LCOR: variants seen among roughly 807,000 people sequenced by gnomAD.
LCOR encodes ligand dependent nuclear receptor corepressor.
Under a neutral mutation model 64.4 loss-of-function variants are expected in LCOR, and 14 were observed. The observed-to-expected ratio is 0.22, with a 90% CI of 0.14 to 0.34. The LOEUF is 0.34. Among genes scored for constraint, LCOR ranks in the 10% least tolerant of loss-of-function variants. LCOR has a pLI of 1.00. For missense variants in LCOR, 1,686 were observed against 1,765.3 expected (o/e 0.96, Z 0.80); for synonymous variants, 643 against 642.5 (o/e 1.00, Z -0.01).
chr10:96,960,276 A>T (rs1224444316), intron 7 of LCOR: 1 of 152,178 alleles, frequency 6.6e-6, no homozygotes, highest in East Asian at 1.9e-4. Flanking sequence ...CATCTCATTG[A>T]CCCATAATAG....
chr10:96,976,788 A>C (rs1848043829), intron 7 of LCOR, among the ~76,000 whole-genome samples: 1 of 152,218 alleles, frequency 6.6e-6, no homozygotes, highest in Admixed American at 6.5e-5. Context: ...GCATACCTTG[A>C]TGTCATTCAA....
At chr10:96,912,592 C>G (rs1846858564) in intron 4 of LCOR, among the ~76,000 whole-genome samples, 1 of 139,648 alleles carries the variant, frequency 7.2e-6, no homozygotes, top group Admixed American at 7.0e-5. Context: ...TCTGTAAGAT[C>G]TTCCTTTCTT....
chr10:96,897,672 T>C (rs1377227638), intron 2 of LCOR, among the ~76,000 whole-genome samples: 1 of 152,204 alleles, frequency 6.6e-6, no homozygotes, highest in Admixed American at 6.5e-5. Context: ...GTATTAATAC[T>C]ATTGTTTTTC....
In LCOR at chr10:96,981,249, G is replaced by C; in HGVS notation, c.789G>C (p.Val263=). 1 of 963,474 alleles carries C rather than the reference G, an allele frequency of 1.0e-6. No homozygotes were observed. The highest frequency in any genetic ancestry group is 2.1e-4 in the Middle Eastern group (1 of 4,854). 59.7% of individuals were successfully genotyped at this position (963,474 alleles called of 1,614,324 possible). The change falls in exon 8 of 8, where the codon GTG becomes GTC. Residue 263 remains valine, a synonymous_variant. Transcript: ENST00000421806. ...CGAATTCTATTAATAGCAGTTCAGT[G>C]GATAGTTTCACTCCGGGATACCTCA... ...TKSNSINSSS[V]DSFTPGYLTA...
At chr10:96,913,890 A>T (rs1362848726) in intron 4 of LCOR, among the ~76,000 whole-genome samples, 1 of 151,642 alleles carries the variant, frequency 6.6e-6, no homozygotes. Flanking sequence ...GGCGACACAC[A>T]CAGACTGTCT....
chr10:96,965,015 T>A (rs542290990), intron 7 of LCOR, among the ~76,000 whole-genome samples: 93 of 148,038 alleles, frequency 6.3e-4, no homozygotes, highest in East Asian at 1.2e-3. Context: ...TTAAAAAAAA[T>A]TTTTTTTTTT....
At chr10:96,832,902 G>A (rs2134352390) in intron 1 of LCOR, 1 of 807,500 alleles carries the variant, frequency 1.2e-6, no homozygotes, top group Non-Finnish European at 1.5e-6. Context: ...GCGCGCCCCC[G>A]GGTCTGCGTG....
intron 2 of LCOR, 56 bp from the exon 3 acceptor site, chr10:96,907,209 A>G (rs1020366890): frequency 1.8e-6 from 1 of 562,386 alleles, no homozygotes; most frequent in African/African-American, 2.0e-5. Context: ...TGCAAAGATT[A>G]TTCAATACTA....
Position 96,982,366 on chromosome 10 carries a change from G to T in LCOR, c.1906G>T (p.Val636Phe). The change falls in exon 8 of 8, where the codon GTC (valine) becomes TTC (phenylalanine). Residue 636 changes from valine to phenylalanine, a missense_variant. Val to Phe is a conservative substitution (Grantham distance 50). Around this residue, in one of 3 missense-constraint regions of LCOR, gnomAD observed 1,293 missense variants for 1,410.4 expected, o/e 0.92. Transcript: ENST00000421806. ...EEDLPEGGST[V>F]SAPTASGMSS... ...GGACCTGCCAGAAGGTGGCTCCACA[G>T]TCTCAGCTCCCACAGCAAGTGGGAT... 1 of 1,614,220 alleles carries T rather than the reference G, an allele frequency of 6.2e-7. No homozygotes were observed.
intron 2 of LCOR, among the ~76,000 whole-genome samples, chr10:96,852,296 C>G (rs916729005): frequency 2.0e-5 from 3 of 152,092 alleles, no homozygotes; most frequent in African/African-American, 7.2e-5. Context: ...GTGGCGCATG[C>G]CTGTAGTCCC....
chr10:96,861,871 C>G (rs918133066), intron 2 of LCOR, among the ~76,000 whole-genome samples: 1 of 152,236 alleles, frequency 6.6e-6, no homozygotes, highest in Admixed American at 6.5e-5. Flanking sequence ...CACTATCTAC[C>G]TGGAGATACC....
At chr10:96,877,499 G>A (rs1452712195) in intron 2 of LCOR, among the ~76,000 whole-genome samples, 1 of 151,752 alleles carries the variant, frequency 6.6e-6, no homozygotes, top group Non-Finnish European at 1.5e-5. Context: ...ACTCCAGCCT[G>A]GGTGAGTGAG....
chr10:96,984,559 G>C lies in LCOR; in HGVS notation c.4099G>C (p.Gly1367Arg), dbSNP rs1848128999. Reference sequence around the variant, plus strand: ...GCTTGCCCTGCAAGTGGATGCAGATGGGTTTCCTGTTAAGCCCAAGAGTAC... The same window carrying C: ...GCTTGCCCTGCAAGTGGATGCAGATCGGTTTCCTGTTAAGCCCAAGAGTAC... The part of the protein sequence containing the change: ...PKLALQVDAD[G>R]FPVKPKSTEG... Residue 1367 changes from glycine to arginine, a missense_variant, in exon 8 of 8, where the codon GGG becomes CGG. By Grantham distance (125) the Gly-to-Arg change is moderately radical. This residue lies in a region of LCOR where 1,293 missense variants were observed against 1,410.4 expected (regional missense o/e 0.92). Coordinates refer to ENST00000421806, the MANE Select transcript of LCOR (RefSeq NM_001346516.2). 6.2e-7 allele frequency: 1 copy of C among 1,614,116 alleles called. No homozygotes were observed. The highest frequency in any genetic ancestry group is 1.3e-5 in the African/African-American group (1 of 74,940).
At chr10:96,893,566 C>T (rs1846482408) in intron 2 of LCOR, among the ~76,000 whole-genome samples, 1 of 152,026 alleles carries the variant, frequency 6.6e-6, no homozygotes, top group South Asian at 2.1e-4. Flanking sequence ...AGTTCTAGAC[C>T]AGCCTGGCCA....
intron 2 of LCOR, among the ~76,000 whole-genome samples, chr10:96,885,652 TCCCAA>T (rs1192360675): frequency 1.3e-5 from 2 of 149,188 alleles, no homozygotes; most frequent in Non-Finnish European, 3.0e-5. Flanking sequence ...TGCCTCTGCC[TCCCAA>T]AGTGCTGAGA....
Position 96,982,616 on chromosome 10 carries a change from G to T in LCOR, c.2156G>T (p.Ser719Ile), listed in dbSNP as rs1474186340. The change falls in exon 8 of 8, where the codon AGT becomes ATT. Residue 719 changes from serine to isoleucine, a missense_variant. Physicochemically the swap from Ser to Ile is moderately radical, Grantham distance 142 (BLOSUM62 -2). Transcript: ENST00000421806. ...CCAATGGGCTTGGAGCCCCCCATGA[G>T]TCTGGGAAAGGCTGAGGACAACCAA... Reference protein sequence around the residue: ...SSPMGLEPPMSLGKAEDNQSI... With the variant: ...SSPMGLEPPMILGKAEDNQSI... 6.2e-7 allele frequency: 1 copy of T among 1,614,060 alleles called. No individual in the cohort carries two copies. Among genetic ancestry groups the T allele is most frequent in the Non-Finnish European group, 8.5e-7 (1 of 1,180,040 alleles).
intron 2 of LCOR, among the ~76,000 whole-genome samples, chr10:96,906,657 C>T (rs1564621543): frequency 2.0e-5 from 3 of 151,668 alleles, no homozygotes; most frequent in South Asian, 4.1e-4. Flanking sequence ...ATTTTTTTCT[C>T]TTTTTTTTGT....
intron 2 of LCOR, among the ~76,000 whole-genome samples, chr10:96,867,745 A>T (rs539333379): frequency 7.3e-4 from 111 of 152,282 alleles, no homozygotes; most frequent in African/African-American, 2.5e-3. Flanking sequence ...TTATATGTAT[A>T]GATATATATT....
rs868789606 is a variant in LCOR, at chr10:96,904,937, T to G, written c.-329-2328T>G. Among the ~76,000 whole-genome samples the G allele has an allele frequency of 2.6e-5, 4 of 152,318 alleles. No homozygotes were observed. In the South Asian group the frequency reaches 6.2e-4, roughly 24 times the overall value. ...TAGCAAAATACGACTTTACAGTATC[T>G]AATCAATAATATTTGTTAGGTTTAA... is the stretch of plus-strand genomic sequence containing the variant. On this transcript the variant is annotated intron_variant, in intron 2 of 7. Coordinates refer to ENST00000421806, the MANE Select transcript of LCOR (RefSeq NM_001346516.2).
Sources: allele counts gnomAD v4.1 joint callset (sites outside exome capture counted in the v4.1 genomes callset), GRCh38; gene constraint gnomAD v4.1.1; regional missense constraint gnomAD v4.1.1; transcripts MANE v1.5; gene names NCBI Gene and HGNC (gene_info 2026-07-23, HGNC 2026-07-21).